Variants in POU2AF1 observed in about 807,000 individuals in gnomAD.
The protein encoded by POU2AF1 is POU class 2 homeobox associating factor 1, also known as POU domain class 2-associating factor 1.
Under a neutral mutation model 26.3 loss-of-function variants are expected in POU2AF1, and 12 were observed. The ratio of observed to expected loss-of-function variants is 0.46; its 90% CI spans 0.29 to 0.74. The LOEUF (loss-of-function observed/expected upper bound fraction) is 0.74. POU2AF1 is among the 30% of genes least tolerant of loss of function. POU2AF1 has a pLI of 0.09. For synonymous variants in POU2AF1, 175 were observed against 148.0 expected, an observed-to-expected ratio of 1.18 and a Z score of -1.32; for missense variants, 297 against 334.5, an observed-to-expected ratio of 0.89 and a Z score of 0.87.
chr11:111,354,693 C>A lies in POU2AF1; in HGVS notation c.457-118G>T. The A allele has an allele frequency of 3.3e-6, 3 of 907,070 alleles. 1 individual carries two copies. The South Asian group carries it at 6.7e-5, about 20-fold the overall frequency. The allele number at this position is 907,070 out of a possible 1,614,324, so 56.2% of individuals were successfully genotyped here. ...AATTCTGCCCTTTCCTGGTTTCTCACTTCATGGGGCTCCACCTCCTCCTGC... is the reference window on the plus strand; with the variant it reads ...AATTCTGCCCTTTCCTGGTTTCTCAATTCATGGGGCTCCACCTCCTCCTGC... On this transcript the variant is annotated intron_variant, in intron 4 of 4. Coordinates refer to ENST00000393067, the MANE Select transcript of POU2AF1 (RefSeq NM_006235.3).
rs1860788401 is a variant in POU2AF1 at position 111,353,979 on chromosome 11, G to A, written c.*282C>T. 2.5e-6 allele frequency: 1 copy of A among 394,478 alleles called. No homozygotes were observed. The highest frequency in any genetic ancestry group is 2.2e-5 in the African/African-American group (1 of 46,144). The allele number at this position is 394,478 out of a possible 1,614,324, so 24.4% of individuals were successfully genotyped here. Reference sequence around the variant, plus strand: ...GAAAAGGAAGGAAGGGGTTGGAAAGGGAGAAGGGAAGGAGGGAAGGAAGGG... The same window carrying A: ...GAAAAGGAAGGAAGGGGTTGGAAAGAGAGAAGGGAAGGAGGGAAGGAAGGG... On this transcript the variant is annotated 3_prime_UTR_variant, in exon 5 of 5. Coordinates refer to ENST00000393067, the MANE Select transcript of POU2AF1 (RefSeq NM_006235.3).
intron 1 of POU2AF1, chr11:111,360,109 G>A: frequency 2.0e-6 from 1 of 508,120 alleles, no homozygotes; most frequent in Non-Finnish European, 3.9e-6. Flanking sequence ...CCTGGCCTGG[G>A]AGAGCAACTG....
At chr11:111,370,486 G>C (rs1861188143) in intron 1 of POU2AF1, among the ~76,000 whole-genome samples, 1 of 152,178 alleles carries the variant, frequency 6.6e-6, no homozygotes, top group Admixed American at 6.5e-5. Flanking sequence ...AGATTGGCCA[G>C]GTCAGGGGGA....
rs754227419 is a variant in POU2AF1, at chr11:111,354,258, C to A, written c.*3G>T. ...GGGAACAGGACTCAGGTGGGAGCCA[C>A]GCCTAAAAGCCTTCCACAGAGAGAG... On this transcript the variant is annotated 3_prime_UTR_variant, in exon 5 of 5. Transcript: ENST00000393067. The A allele has an allele frequency of 6.2e-7, 1 of 1,613,862 alleles. No individual in the cohort carries two copies. The highest frequency in any genetic ancestry group is 1.1e-5 in the South Asian group (1 of 91,020).
intron 1 of POU2AF1, among the ~76,000 whole-genome samples, chr11:111,378,901 T>G (rs2135145934): frequency 6.6e-6 from 1 of 152,200 alleles, no homozygotes; most frequent in African/African-American, 2.4e-5. Flanking sequence ...GAAGCGGAGG[T>G]ACCCTGAGCC....
intron 1 of POU2AF1, 146 bp downstream of exon 1, chr11:111,379,016 T>G (rs1019940809): frequency 1.2e-5 from 3 of 259,140 alleles, no homozygotes; most frequent in Non-Finnish European, 2.1e-5. Flanking sequence ...ACCTCCCCCC[T>G]CCCTGCTCCG....
At chr11:111,376,438 G>A (rs1010987514) in intron 1 of POU2AF1, among the ~76,000 whole-genome samples, 2 of 152,182 alleles carry the variant, frequency 1.3e-5, no homozygotes, top group African/African-American at 4.8e-5. Flanking sequence ...TACAGATGGA[G>A]TGACTTCTTC....
intron 1 of POU2AF1, among the ~76,000 whole-genome samples, chr11:111,360,288 T>C (rs1376910956): frequency 6.6e-6 from 1 of 152,132 alleles, no homozygotes. Flanking sequence ...GGACCTGGGC[T>C]CTGAATCAAA....
At chr11:111,358,330 A>ACACACTCT (rs1451892958) in intron 2 of POU2AF1, among the ~76,000 whole-genome samples, 1 of 89,498 alleles carries the variant, frequency 1.1e-5, no homozygotes, top group East Asian at 3.1e-4. Context: ...GTACTCTCTC[A>ACACACTCT]CACACTCTCA....
At chr11:111,362,764 T>A (rs1565363103) in intron 1 of POU2AF1, among the ~76,000 whole-genome samples, 1 of 151,978 alleles carries the variant, frequency 6.6e-6, no homozygotes, top group Non-Finnish European at 1.5e-5. Flanking sequence ...TGGGGTTACT[T>A]GGGGGGGTCT....
intron 4 of POU2AF1, among the ~76,000 whole-genome samples, chr11:111,356,677 T>G (rs1210286825): frequency 2.6e-5 from 4 of 152,224 alleles, no homozygotes; most frequent in Non-Finnish European, 4.4e-5. Flanking sequence ...AAGAGGCTCT[T>G]CCTTTCCCAT....
chr11:111,358,745 T>C lies in POU2AF1; in HGVS notation c.147+43A>G, dbSNP rs12282082. Reference sequence around the variant, plus strand: ...ACTATCCCTGACACACACATTCTCTTTCACACACACACACTCACACTCTCA... The same window carrying C: ...ACTATCCCTGACACACACATTCTCTCTCACACACACACACTCACACTCTCA... On this transcript the variant is annotated intron_variant, in intron 2 of 4. Transcript: ENST00000393067. 1,096,544 of 1,532,720 alleles carry C rather than the reference T, an allele frequency of 0.72. 397,438 individuals carry two copies. The highest frequency in any genetic ancestry group is 0.81 in the Admixed American group (41,557 of 51,256). The allele number at this position is 1,532,720 out of a possible 1,614,324, so 94.9% of individuals were successfully genotyped here.
intron 1 of POU2AF1, among the ~76,000 whole-genome samples, chr11:111,372,520 G>C (rs1253537725): frequency 6.6e-6 from 1 of 152,232 alleles, no homozygotes; most frequent in Admixed American, 6.5e-5. Flanking sequence ...AGACAGGACA[G>C]CTTAGCAGGC....
chr11:111,365,867 A>C (rs1861096295), intron 1 of POU2AF1, among the ~76,000 whole-genome samples: 1 of 152,178 alleles, frequency 6.6e-6, no homozygotes, highest in African/African-American at 2.4e-5. Context: ...CAAAAAAAAA[A>C]AAAAAAGAAT....
At chr11:111,363,487 C>T in intron 1 of POU2AF1, 2 of 1,008,594 alleles carry the variant, frequency 2.0e-6, no homozygotes, top group Non-Finnish European at 2.4e-6. Flanking sequence ...ACTGAGCTCC[C>T]TACTGCCACC....
At chr11:111,354,804 G>T (rs903440306) in intron 4 of POU2AF1, among the ~76,000 whole-genome samples, 1 of 152,108 alleles carries the variant, frequency 6.6e-6, no homozygotes, top group African/African-American at 2.4e-5. Flanking sequence ...CTTTGCTCAG[G>T]CCACTTCCTG....
chr11:111,361,179 G>A (rs975204562), intron 1 of POU2AF1, among the ~76,000 whole-genome samples: 4 of 145,250 alleles, frequency 2.8e-5, no homozygotes, highest in African/African-American at 7.4e-5. Flanking sequence ...TGGAGCCCCC[G>A]CCCACGTGGA....
chr11:111,353,113 C>T lies in POU2AF1; in HGVS notation c.*1148G>A, dbSNP rs1742543098. On this transcript the variant is annotated 3_prime_UTR_variant, in exon 5 of 5. Coordinates refer to ENST00000393067, the MANE Select transcript of POU2AF1 (RefSeq NM_006235.3). ...TAGGCGAGGACCCATCACCTTTAGGCTTAATGGGGTCTTGGCCTCCACAGC... is the reference window on the plus strand; with the variant it reads ...TAGGCGAGGACCCATCACCTTTAGGTTTAATGGGGTCTTGGCCTCCACAGC... 1 of 230,634 alleles carries T rather than the reference C, an allele frequency of 4.3e-6. No individual in the cohort carries two copies. Among genetic ancestry groups the T allele is most frequent in the African/African-American group, 2.2e-5 (1 of 45,142 alleles). The allele number at this position is 230,634 out of a possible 1,614,324, so 14.3% of individuals were successfully genotyped here.
chr11:111,375,390 C>CTTTTTT (rs869115956), intron 1 of POU2AF1, among the ~76,000 whole-genome samples: 3,761 of 79,474 alleles, frequency 0.047, 640 homozygotes, highest in Admixed American at 0.054. Context: ...TACTGAGTAT[C>CTTTTTT]TTTTTTTTTT....
Sources: gnomAD v4.1 joint callset for allele counts (sites outside exome capture counted in the v4.1 genomes callset) on GRCh38, gnomAD v4.1.1 for gene constraint, MANE v1.5 for transcripts, NCBI Gene and HGNC (gene_info 2026-07-23, HGNC 2026-07-21) for gene names.